The following SDK1 variants were observed in gnomAD, a reference collection of about 807,000 sequenced individuals.
SDK1 encodes sidekick cell adhesion molecule 1, also known as protein sidekick-1.
Under a neutral mutation model 245.5 loss-of-function variants are expected in SDK1, and 157 were observed. The ratio of observed to expected loss-of-function variants is 0.64; its 90% CI spans 0.56 to 0.73. SDK1 has a LOEUF of 0.73. Among genes scored for constraint, SDK1 ranks in the 30% least tolerant of loss-of-function variants. SDK1 has a pLI of 0.00. For missense variants in SDK1, 3,583 were observed against 3,002.3 expected, an observed-to-expected ratio of 1.19 and a Z score of -4.52; for synonymous variants, 1,647 against 1,278.5, an observed-to-expected ratio of 1.29 and a Z score of -6.15.
chr7:3,477,189 C>CTTTTTTTTTTT (rs35328849), intron 1 of SDK1, among the ~76,000 whole-genome samples: 9 of 78,626 alleles, frequency 1.1e-4, no homozygotes, highest in African/African-American at 2.0e-4. Flanking sequence ...TGGTTTTCTC[C>CTTTTTTTTTTT]TTTTTTTTTT....
intron 1 of SDK1, among the ~76,000 whole-genome samples, chr7:3,578,699 T>A (rs1032847657): frequency 6.6e-6 from 1 of 151,862 alleles, no homozygotes; most frequent in Non-Finnish European, 1.5e-5. Context: ...CTCTCCTGCT[T>A]GCACATCCGT....
intron 4 of SDK1, among the ~76,000 whole-genome samples, chr7:3,682,160 C>G (rs1054046856): frequency 6.6e-6 from 1 of 152,182 alleles, no homozygotes; most frequent in Non-Finnish European, 1.5e-5. Context: ...TGGTTTACCT[C>G]TCTCTACCAC....
intron 1 of SDK1, among the ~76,000 whole-genome samples, chr7:3,336,599 C>T (rs939073344): frequency 6.6e-6 from 1 of 152,076 alleles, no homozygotes; most frequent in Non-Finnish European, 1.5e-5. Context: ...GCTGGCACTC[C>T]CCACCTCCCC....
intron 35 of SDK1, among the ~76,000 whole-genome samples, chr7:4,200,721 T>C (rs150118050): frequency 7.4e-4 from 113 of 152,288 alleles, no homozygotes; most frequent in Middle Eastern, 6.8e-3. Flanking sequence ...TGGCACAGGC[T>C]CTTGTTGCTG....
At chr7:3,905,050 G>A (rs376054298) in intron 5 of SDK1, among the ~76,000 whole-genome samples, 25 of 150,160 alleles carry the variant, frequency 1.7e-4, no homozygotes, top group African/African-American at 2.7e-4. Context: ...TTTTACAGTC[G>A]TAACTTTTAT....
intron 17 of SDK1, among the ~76,000 whole-genome samples, chr7:4,020,588 G>A (rs996654759): frequency 6.6e-6 from 1 of 152,216 alleles, no homozygotes; most frequent in Non-Finnish European, 1.5e-5. Context: ...CTGCCTAGAA[G>A]GTGGCACATG....
chr7:3,854,489 T>C (rs1029955659), intron 5 of SDK1, among the ~76,000 whole-genome samples: 2 of 152,226 alleles, frequency 1.3e-5, no homozygotes, highest in African/African-American at 4.8e-5. Context: ...TGTTTGTTGT[T>C]GAGTGCTAAA....
intron 1 of SDK1, among the ~76,000 whole-genome samples, chr7:3,515,288 A>C (rs1007084105): frequency 6.6e-6 from 1 of 152,140 alleles, no homozygotes; most frequent in African/African-American, 2.4e-5. Flanking sequence ...AAAAAGAAGA[A>C]AATTCGTTCT....
intron 22 of SDK1, among the ~76,000 whole-genome samples, chr7:4,092,186 G>C (rs1480593021): frequency 6.6e-6 from 1 of 152,182 alleles, no homozygotes; most frequent in African/African-American, 2.4e-5. Flanking sequence ...ACTAGAACAT[G>C]GTGTTACATT....
At chr7:3,958,896 G>A in intron 7 of SDK1, 35 bp from the exon 8 acceptor site, 2 of 1,536,754 alleles carry the variant, frequency 1.3e-6, no homozygotes, top group Non-Finnish European at 1.8e-6. Context: ...ATCCTTCTTT[G>A]GCTTAGGGGC....
chr7:3,728,048 G>A (rs779192366), intron 4 of SDK1, among the ~76,000 whole-genome samples: 2 of 152,128 alleles, frequency 1.3e-5, no homozygotes, highest in Non-Finnish European at 2.9e-5. Context: ...TTCTTCAGTT[G>A]GATGTTTCTG....
chr7:3,783,056 A>G (rs532609947), intron 4 of SDK1, among the ~76,000 whole-genome samples: 63 of 152,330 alleles, frequency 4.1e-4, no homozygotes, highest in African/African-American at 1.5e-3. Context: ...CGATACAAGG[A>G]TGGTTCACCA....
chr7:3,624,641 T>G (rs1015436294), intron 2 of SDK1, among the ~76,000 whole-genome samples: 211 of 152,306 alleles, frequency 1.4e-3, no homozygotes, highest in African/African-American at 5.0e-3. Flanking sequence ...GAACTTTTTT[T>G]TCTAAAACCC....
intron 22 of SDK1, among the ~76,000 whole-genome samples, chr7:4,087,208 G>A (rs1417599114): frequency 6.6e-6 from 1 of 152,152 alleles, no homozygotes; most frequent in African/African-American, 2.4e-5. Flanking sequence ...TGTATATGGA[G>A]TGAGGTATGA....
intron 2 of SDK1, among the ~76,000 whole-genome samples, chr7:3,632,558 C>A (rs969381111): frequency 6.6e-6 from 1 of 151,986 alleles, no homozygotes; most frequent in Admixed American, 6.5e-5. Context: ...TCCATAGACC[C>A]TCCCACACAG....
chr7:3,563,230 C>A (rs188601563), intron 1 of SDK1, among the ~76,000 whole-genome samples: 2 of 151,966 alleles, frequency 1.3e-5, no homozygotes, highest in East Asian at 3.9e-4. Flanking sequence ...AAATAAAATA[C>A]AGTAAATGGA....
intron 22 of SDK1, among the ~76,000 whole-genome samples, chr7:4,086,644 G>A (rs1288445038): frequency 2.0e-5 from 3 of 151,836 alleles, no homozygotes; most frequent in Non-Finnish European, 4.4e-5. Flanking sequence ...CATCTCTCTG[G>A]CCCACTCTTC....
chr7:3,871,057 T>C (rs1780943610), intron 5 of SDK1, among the ~76,000 whole-genome samples: 1 of 152,208 alleles, frequency 6.6e-6, no homozygotes, highest in African/African-American at 2.4e-5. Flanking sequence ...TCTGTTTATT[T>C]CGGTCATCTG....
chr7:4,170,020 G>T (rs1336887091), intron 32 of SDK1, among the ~76,000 whole-genome samples: 1 of 152,200 alleles, frequency 6.6e-6, no homozygotes, highest in African/African-American at 2.4e-5. Context: ...GCGGAGAATT[G>T]CCTCTCTTCA....
Sources: allele counts gnomAD v4.1 joint callset (sites outside exome capture counted in the v4.1 genomes callset), GRCh38; gene constraint gnomAD v4.1.1; transcripts MANE v1.5; gene names NCBI Gene and HGNC (gene_info 2026-07-23, HGNC 2026-07-21).